Variants in AKNA observed in about 807,000 individuals in gnomAD.
The protein encoded by AKNA is AT-hook transcription factor, also known as microtubule organization protein AKNA.
In AKNA, 67 loss-of-function variants were observed where a neutral mutation model predicts 138.8. The ratio of observed to expected loss-of-function variants is 0.48; its 90% confidence interval spans 0.40 to 0.59. The LOEUF is 0.59. AKNA is among the 20% of genes least tolerant of loss of function. The pLI is 0.00. For synonymous variants in AKNA, 737 were observed against 754.4 expected (o/e 0.98, Z 0.38); for missense variants, 1,813 against 1,880.4 (o/e 0.96, Z 0.66).
chr9:114,371,333 C>G (rs1832754864), intron 4 of AKNA, among the ~76,000 whole-genome samples: 1 of 152,252 alleles, frequency 6.6e-6, no homozygotes. Context: ...TGATCTTGGT[C>G]AAGTTATTTA....
chr9:114,382,379 C>T (rs1833751389), intron 1 of AKNA, among the ~76,000 whole-genome samples: 1 of 151,998 alleles, frequency 6.6e-6, no homozygotes, highest in African/African-American at 2.4e-5. Flanking sequence ...TCACTTGAGT[C>T]TAGGAGTTCG....
rs1833651537 is a variant in AKNA, at chr9:114,381,279, G to A, written c.55C>T (p.Pro19Ser). 8 of 1,612,446 alleles carry A rather than the reference G, an allele frequency of 5.0e-6. No individual in the cohort carries two copies. The highest frequency in any genetic ancestry group is 6.8e-6 in the Non-Finnish European group (8 of 1,179,302). ...GCCCAGGCCCAGCGCCGCCGCTGGGGGCCCTTCCCCAGGCCAGGCTCAGCC... is the reference window on the plus strand; with the variant it reads ...GCCCAGGCCCAGCGCCGCCGCTGGGAGCCCTTCCCCAGGCCAGGCTCAGCC... ...RWAEPGLGKG[P>S]QRRRWAWAED... is the part of the protein sequence containing the mutation. The change falls in exon 2 of 22, where the codon CCC becomes TCC. Residue 19 changes from proline (P) to serine (S), a missense_variant. Coordinates refer to ENST00000374088, the MANE Select transcript of AKNA (RefSeq NM_001317950.2).
At chr9:114,359,825 T>G in intron 10 of AKNA, 31 bp from the exon 11 acceptor site, 4 of 1,611,154 alleles carry the variant, frequency 2.5e-6, no homozygotes, top group Non-Finnish European at 3.4e-6. Context: ...GGGCATGACC[T>G]CTGCCCAGTG....
Position 114,341,752 on chromosome 9 carries a change from GAC to G in AKNA, c.3875-29_3875-28del, listed in dbSNP as rs1482689216. On this transcript the variant is annotated intron_variant, in intron 20 of 21. Coordinates refer to ENST00000374088, the MANE Select transcript of AKNA (RefSeq NM_001317950.2). ...TATCAGGGAGGGAACAGCACAGAGA[GAC>G]AGAGTCTGACCACTTGGCAGATCCA... 6 of 1,535,344 alleles carry G rather than the reference GAC, an allele frequency of 3.9e-6. No individual in the cohort carries two copies. The African/African-American group carries it at 5.5e-5, about 14-fold the overall frequency.
chr9:114,338,067 G>A (rs189906311), intron 21 of AKNA, among the ~76,000 whole-genome samples: 1 of 152,336 alleles, frequency 6.6e-6, no homozygotes, highest in African/African-American at 2.4e-5. Context: ...AATAAAGGGT[G>A]TGTGTGGTGG....
At position 114,337,013 on chromosome 9, in the gene AKNA, G is replaced by GGGGGGGGGGGGGCCCC; in HGVS notation, c.*40_*41insGGGGCCCCCCCCCCCC. On this transcript the variant is annotated 3_prime_UTR_variant, in exon 22 of 22. Coordinates refer to ENST00000374088, the MANE Select transcript of AKNA (RefSeq NM_001317950.2). The stretch of plus-strand genomic sequence containing the variant: ...CCACTCCTGGCCTGGCAGGCCACCT[G>GGGGGGGGGGGGGCCCC]CCCACCCACCCACCCATCTGCCTCT... The GGGGGGGGGGGGGCCCC allele has an allele frequency of 8.4e-7, 1 of 1,185,370 alleles. No individual in the cohort carries two copies. The highest frequency in any genetic ancestry group is 1.1e-6 in the Non-Finnish European group (1 of 921,704). The allele number at this position is 1,185,370 out of a possible 1,614,324, so 73.4% of individuals were successfully genotyped here. A position where few individuals can be genotyped will look rare whatever the true frequency, so the allele number is the denominator to read the frequency against.
chr9:114,341,957 G>A (rs1830384279), intron 20 of AKNA, 52 bp downstream of exon 20: 1 of 1,537,808 alleles, frequency 6.5e-7, no homozygotes, highest in Non-Finnish European at 9.0e-7. Flanking sequence ...AATAACCCTG[G>A]TCAAGGAGAG....
chr9:114,347,961 C>T, intron 15 of AKNA, 61 bp from the exon 16 acceptor site: 1 of 1,514,420 alleles, frequency 6.6e-7, no homozygotes, highest in Non-Finnish European at 8.9e-7. Context: ...GCTGCAGCCA[C>T]CCGAGTATGC....
At chr9:114,373,869 G>A (rs908212020) in intron 4 of AKNA, among the ~76,000 whole-genome samples, 1 of 130,172 alleles carries the variant, frequency 7.7e-6, no homozygotes, top group Non-Finnish European at 1.6e-5. Flanking sequence ...CTAGGTGACA[G>A]AGCAAGACCC....
upstream of AKNA, among the ~76,000 whole-genome samples, chr9:114,394,963 G>T (rs1480496423): frequency 2.6e-5 from 4 of 152,138 alleles, no homozygotes; most frequent in African/African-American, 4.8e-5. Context: ...TGGGGGGGCT[G>T]GGGGGAGAAT....
chr9:114,379,294 C>T (rs1281206792), intron 2 of AKNA, among the ~76,000 whole-genome samples: 1 of 152,242 alleles, frequency 6.6e-6, no homozygotes, highest in East Asian at 1.9e-4. Context: ...TCCTACCTGA[C>T]AGAGGGTGGT....
At position 114,376,695 on chromosome 9, in the gene AKNA, G is replaced by A; in HGVS notation, c.1112C>T (p.Pro371Leu). 1 of 1,612,956 alleles carries A rather than the reference G, an allele frequency of 6.2e-7. No individual in the cohort carries two copies. Among genetic ancestry groups the A allele is most frequent in the Non-Finnish European group, 8.5e-7 (1 of 1,179,512 alleles). ...GGGGGGACGGTAGCTCTCATCTTTG[G>A]GGAATCTCACCCGGGGCCCTACCTT... Reference protein sequence around the residue: ...FSKVGPRVRFPKDESYRPPKS... With the variant: ...FSKVGPRVRFLKDESYRPPKS... Residue 371 changes from proline (P) to leucine (L), a missense_variant, in exon 3 of 22, where the codon CCC (proline) becomes CTC (leucine). Physicochemically the swap from Pro to Leu is moderately conservative, Grantham distance 98. Transcript: ENST00000374088.
downstream of AKNA, among the ~76,000 whole-genome samples, chr9:114,331,148 C>T (rs116965083): frequency 0.037 from 5,668 of 151,772 alleles, 362 homozygotes; most frequent in East Asian, 0.26. Context: ...CTCTCTCTCA[C>T]GCCCTCTTTA....
At chr9:114,343,915 T>A in intron 18 of AKNA, 112 bp from the exon 19 acceptor site, 1 of 933,852 alleles carries the variant, frequency 1.1e-6, no homozygotes, top group Non-Finnish European at 1.6e-6. Flanking sequence ...ATAGTCTCTG[T>A]CTCTCTCTCA....
chr9:114,377,526 T>G lies in AKNA; in HGVS notation c.281A>C (p.Glu94Ala), dbSNP rs1352969009. 2 of 1,594,778 alleles carry G rather than the reference T, an allele frequency of 1.3e-6. No individual in the cohort carries two copies. Among genetic ancestry groups the G allele is most frequent in the African/African-American group, 2.7e-5 (2 of 74,202 alleles). Reference protein sequence around the residue: ...ESGETSGEEAEAEDVDSPASS... With the variant: ...ESGETSGEEAAAEDVDSPASS... ...TGCTGGGCTGTCCACATCCTCTGCT[T>G]CAGCCTCTGGAAAGACAGGCCATTC... Residue 94 changes from glutamate to alanine, a missense_variant, in exon 3 of 22, where the codon GAA (glutamate) becomes GCA (alanine). Physicochemically the swap from Glu to Ala is moderately radical, Grantham distance 107. Transcript: ENST00000374088.
intron 12 of AKNA, 152 bp downstream of exon 12, chr9:114,357,769 C>T: frequency 7.8e-7 from 1 of 1,278,662 alleles, no homozygotes; most frequent in African/African-American, 1.5e-5. Context: ...GAGCATAAGT[C>T]CTGCATGTCA....
chr9:114,331,790 C>A, downstream of AKNA: 1 of 1,605,618 alleles, frequency 6.2e-7, no homozygotes. Context: ...CCGGGCCCCA[C>A]CATGTCCCCA....
At chr9:114,348,559 T>G (rs914697034) in intron 15 of AKNA, among the ~76,000 whole-genome samples, 2 of 152,164 alleles carry the variant, frequency 1.3e-5, no homozygotes, top group Non-Finnish European at 2.9e-5. Flanking sequence ...GAGGGCTGAC[T>G]AAGAGCAGGC....
chr9:114,374,228 G>A, intron 3 of AKNA, 61 bp from the exon 4 acceptor site: 1 of 1,490,164 alleles, frequency 6.7e-7, no homozygotes, highest in Admixed American at 2.0e-5. Context: ...CCTCCTTGCT[G>A]GGAGACCCTG....
Sources: gnomAD v4.1 joint callset for allele counts (sites outside exome capture counted in the v4.1 genomes callset) on GRCh38, gnomAD v4.1.1 for gene constraint, MANE v1.5 for transcripts, NCBI Gene and HGNC (gene_info 2026-07-23, HGNC 2026-07-21) for gene names.